The following SEPTIN6 variants were observed in gnomAD, a reference collection of about 807,000 sequenced individuals.
The protein encoded by SEPTIN6 is septin 6.
A neutral mutation model predicts 33.6 loss-of-function variants in SEPTIN6; 8 were observed. The observed-to-expected ratio is 0.24, with a 90% CI of 0.14 to 0.43. SEPTIN6 has a LOEUF of 0.43. SEPTIN6 is among the 20% of genes least tolerant of loss of function. The probability of loss-of-function intolerance (pLI) is 1.00; values close to 1 mark genes in which losing one functional copy is unlikely to be tolerated. For synonymous variants in SEPTIN6, 131 were observed against 140.0 expected (o/e 0.94, Z 0.45); for missense variants, 250 against 340.8 (o/e 0.73, Z 2.10).
Position 119,618,354 on chromosome X carries a change from T to C in SEPTIN6, c.*1739A>G. On this transcript the variant is annotated 3_prime_UTR_variant, in exon 11 of 11. Transcript: ENST00000394610. Reference sequence around the variant, plus strand: ...AAACCTACACAGCAAACCTATATTCTTGCTTTGTCAACAAGAAAAGTGCGT... The same window carrying C: ...AAACCTACACAGCAAACCTATATTCCTGCTTTGTCAACAAGAAAAGTGCGT... 3 of 819,332 alleles carry C rather than the reference T, an allele frequency of 3.7e-6. No individual in the cohort carries two copies. Among genetic ancestry groups the C allele is most frequent in the Non-Finnish European group, 4.4e-6 (3 of 680,062 alleles). 67.5% of individuals were successfully genotyped at this position (819,332 alleles called of 1,213,427 possible). A position where few individuals can be genotyped will look rare whatever the true frequency, so the allele number is the denominator to read the frequency against.
intron 2 of SEPTIN6, among the ~76,000 whole-genome samples, chrX:119,664,976 CTG>C (rs1328795319): frequency 9.0e-6 from 1 of 110,745 alleles, no homozygotes; most frequent in Non-Finnish European, 1.9e-5. Context: ...ACGGTGAAAA[CTG>C]TGCAGGCTCC....
intron 3 of SEPTIN6, 64 bp downstream of exon 3, chrX:119,663,418 T>G: frequency 2.1e-6 from 2 of 952,437 alleles, no homozygotes; most frequent in Non-Finnish European, 2.9e-6. Flanking sequence ...ATCTCTGTGG[T>G]GAGCTCCTCT....
At chrX:119,636,939 T>C in intron 7 of SEPTIN6, 88 bp downstream of exon 7, 1 of 1,075,252 alleles carries the variant, frequency 9.3e-7, no homozygotes, top group Non-Finnish European at 1.2e-6. Context: ...TCGCCTCCCC[T>C]GTGAATTCTC....
At chrX:119,687,317 C>T (rs1456892554) in intron 1 of SEPTIN6, among the ~76,000 whole-genome samples, 1 of 103,848 alleles carries the variant, frequency 9.6e-6, no homozygotes, top group African/African-American at 3.6e-5. Context: ...GTGGCACAAT[C>T]TCGGCTCACT....
At chrX:119,616,833 A>C, downstream of SEPTIN6, 7 of 1,081,389 alleles carry the variant, frequency 6.5e-6, no homozygotes, top group Non-Finnish European at 8.7e-6. Context: ...AATGGGCAAT[A>C]TTGAGGTAGC....
intron 1 of SEPTIN6, among the ~76,000 whole-genome samples, chrX:119,691,328 T>G (rs1286729719): frequency 8.9e-6 from 1 of 111,990 alleles, no homozygotes; most frequent in Non-Finnish European, 1.9e-5. Context: ...TTAGCTGACA[T>G]GAAAAATCAT....
chrX:119,672,635 A>G (rs1166043275), intron 2 of SEPTIN6, among the ~76,000 whole-genome samples: 2 of 112,495 alleles, frequency 1.8e-5, no homozygotes, highest in Admixed American at 9.5e-5. Context: ...GGACTCTGAT[A>G]TGTTTGTGCT....
intron 5 of SEPTIN6, among the ~76,000 whole-genome samples, chrX:119,643,618 A>G (rs1432820114): frequency 9.0e-6 from 1 of 111,243 alleles, no homozygotes. Context: ...TTTGATAAGT[A>G]TATGCAAGGT....
chrX:119,632,715 C>T (rs1344606837), intron 8 of SEPTIN6, among the ~76,000 whole-genome samples: 1 of 111,060 alleles, frequency 9.0e-6, no homozygotes, highest in African/African-American at 3.3e-5. Flanking sequence ...GTAACCTCCA[C>T]TTCCCAGATT....
At chrX:119,616,678 T>C (rs1320172370), downstream of SEPTIN6, 3 of 1,184,968 alleles carry the variant, frequency 2.5e-6, no homozygotes, top group Non-Finnish European at 3.4e-6. Flanking sequence ...GAACCCTAAC[T>C]CTTCTATAAT....
Position 119,619,392 on chromosome X carries a change from TCTG to T in SEPTIN6, c.*698_*700del. The T allele has an allele frequency of 1.2e-6, 1 of 814,707 alleles. No homozygotes were observed. Among genetic ancestry groups the T allele is most frequent in the Non-Finnish European group, 1.5e-6 (1 of 676,628 alleles). 67.1% of individuals were successfully genotyped at this position (814,707 alleles called of 1,213,427 possible). ...CCCAGAGTTAGAGAGAGGGGAAACG[TCTG>T]CTATTTTCTTCAGCAGTTGTGTTTT... On this transcript the variant is annotated 3_prime_UTR_variant, in exon 11 of 11. Coordinates refer to ENST00000394610, the MANE Select transcript of SEPTIN6 (RefSeq NM_145799.4).
chrX:119,619,986 G>C lies in SEPTIN6; in HGVS notation c.*107C>G, dbSNP rs2053721467. 8.3e-7 allele frequency: 1 copy of C among 1,202,358 alleles called. No individual in the cohort carries two copies. Among genetic ancestry groups the C allele is most frequent in the African/African-American group, 1.8e-5 (1 of 56,439 alleles). On this transcript the variant is annotated 3_prime_UTR_variant, in exon 11 of 11. Coordinates refer to ENST00000394610, the MANE Select transcript of SEPTIN6 (RefSeq NM_145799.4). The stretch of plus-strand genomic sequence containing the variant: ...TGTATGCCCCCCAGGCATGTTAAGG[G>C]GGAAATTAGAGAAAGGGAGGCCCAG...
chrX:119,661,234 G>A (rs2054536754), intron 3 of SEPTIN6, among the ~76,000 whole-genome samples: 1 of 103,245 alleles, frequency 9.7e-6, no homozygotes, highest in African/African-American at 3.6e-5. Flanking sequence ...GACCAACATG[G>A]CTAACACAGT....
chrX:119,670,915 G>A (rs370093199), intron 2 of SEPTIN6, among the ~76,000 whole-genome samples: 2 of 103,439 alleles, frequency 1.9e-5, no homozygotes, highest in Non-Finnish European at 3.9e-5. Context: ...TCCAGCCTGG[G>A]TGACAAGAGC....
intron 5 of SEPTIN6, 110 bp from the exon 6 acceptor site, chrX:119,640,898 C>A: frequency 1.9e-6 from 1 of 518,255 alleles, no homozygotes; most frequent in Non-Finnish European, 3.3e-6. Flanking sequence ...CCTGCAATGT[C>A]CCTCACTGTC....
At chrX:119,638,280 C>T (rs1169948598) in intron 6 of SEPTIN6, among the ~76,000 whole-genome samples, 1 of 111,350 alleles carries the variant, frequency 9.0e-6, no homozygotes, top group Non-Finnish European at 1.9e-5. Context: ...CCTGTGTGAA[C>T]AAGTCCCCTC....
In SEPTIN6 at chrX:119,663,462, CA is replaced by C. The variant is rs2054581826; in HGVS notation, c.341+19del. 8 of 1,007,950 alleles carry C rather than the reference CA, an allele frequency of 7.9e-6. No homozygotes were observed. The highest frequency in any genetic ancestry group is 9.7e-6 in the Non-Finnish European group (7 of 724,384). 83.1% of individuals were successfully genotyped at this position (1,007,950 alleles called of 1,213,427 possible). On this transcript the variant is annotated intron_variant, in intron 3 of 10. Transcript: ENST00000394610. ...CTCTACCAACCTCCCCACCCTACCC[CA>C]CCCCACCGCCTTCTTTACCTGTCCT...
Position 119,629,462 on chromosome X carries a change from T to G in SEPTIN6, c.1136A>C (p.Lys379Thr). The change falls in exon 9 of 11, where the codon AAG becomes ACG. Residue 379 changes from lysine (K) to threonine (T), a missense_variant. By Grantham distance (78) the Lys-to-Thr change is moderately conservative (BLOSUM62 -1). Around this residue, in one of 2 missense-constraint regions of SEPTIN6, gnomAD observed 139 missense variants for 227.0 expected, o/e 0.61. Transcript: ENST00000394610. ...DRLKKLHQDE[K>T]KKLEDKKKSL... ...TTTCTTCTTATCCTCCAGTTTCTTC[T>G]TCTCGTCCTGGTGCAGTTTCTTCAG... 8.3e-7 allele frequency: 1 copy of G among 1,211,575 alleles called. No individual in the cohort carries two copies. The highest frequency in any genetic ancestry group is 1.1e-6 in the Non-Finnish European group (1 of 895,406).
intron 6 of SEPTIN6, among the ~76,000 whole-genome samples, chrX:119,640,168 C>CTTTTTTTTTTTTTTTTTTT (rs57021804): frequency 9.9e-5 from 2 of 20,180 alleles, no homozygotes; most frequent in Non-Finnish European, 8.3e-5. Context: ...ACTATCCAGT[C>CTTTTTTTTTTTTTTTTTTT]TTTTTTTTTT....
Sources: allele counts gnomAD v4.1 joint callset (sites outside exome capture counted in the v4.1 genomes callset), GRCh38; gene constraint gnomAD v4.1.1; regional missense constraint gnomAD v4.1.1; transcripts MANE v1.5; gene names NCBI Gene and HGNC (gene_info 2026-07-23, HGNC 2026-07-21).